Variants in ANO6 observed in about 807,000 individuals in gnomAD.
ANO6 encodes anoctamin-6.
In ANO6, 106 loss-of-function variants were observed where a neutral mutation model predicts 117.5. The observed-to-expected ratio is 0.90, with a 90% CI of 0.77 to 1.06. The LOEUF is 1.06. ANO6 is among the 50% of genes least tolerant of loss of function. The pLI is 0.00. For missense variants in ANO6, 955 were observed against 1,121.1 expected (o/e 0.85, Z 2.12); for synonymous variants, 367 against 385.1 (o/e 0.95, Z 0.55).
intron 8 of ANO6, 121 bp downstream of exon 8, chr12:45,357,545 G>GAT: frequency 7.9e-7 from 1 of 1,273,132 alleles, no homozygotes; most frequent in Admixed American, 1.9e-5. Context: ...TGCTTGGGAT[G>GAT]ATATATCCCT....
intron 3 of ANO6, among the ~76,000 whole-genome samples, chr12:45,331,862 C>T (rs963554131): frequency 2.0e-5 from 3 of 152,090 alleles, no homozygotes; most frequent in Non-Finnish European, 4.4e-5. Context: ...GTTCTATAAT[C>T]ACACCATTTT....
At position 45,378,137 on chromosome 12, in the gene ANO6, T is replaced by A. The variant is rs760344494; in HGVS notation, c.1165+24T>A. ...GGGTAAGTTTTTTTTTTTTTTTTCA[T>A]GCACTCAATTTGATAGTATTACACA... On this transcript the variant is annotated intron_variant, in intron 10 of 19. Transcript: ENST00000320560. 6 of 1,470,222 alleles carry A rather than the reference T, an allele frequency of 4.1e-6. No homozygotes were observed. The East Asian group carries it at 9.1e-5, about 22-fold the overall frequency. The allele number at this position is 1,470,222 out of a possible 1,614,324, so 91.1% of individuals were successfully genotyped here.
chr12:45,426,139 C>T (rs1001058431), intron 19 of ANO6, among the ~76,000 whole-genome samples: 11 of 152,086 alleles, frequency 7.2e-5, no homozygotes, highest in Admixed American at 1.3e-4. Flanking sequence ...TATACCTTTA[C>T]GCAAAATTTT....
At position 45,302,025 on chromosome 12, in the gene ANO6, C is replaced by G; in HGVS notation, c.82C>G (p.Leu28Val). The change falls in exon 2 of 20, where the codon CTT (leucine) becomes GTT (valine). Residue 28 changes from leucine (L) to valine (V), a missense_variant. By Grantham distance (32) the Leu-to-Val change is conservative (BLOSUM62 1). Coordinates refer to ENST00000320560, the MANE Select transcript of ANO6 (RefSeq NM_001025356.3). ...TCATTCGTTTTTAGTGTTGGAAAACCTTGGACAGACAATTGTCCCCGATTT... is the reference window on the plus strand; with the variant it reads ...TCATTCGTTTTTAGTGTTGGAAAACGTTGGACAGACAATTGTCCCCGATTT... Reference protein sequence around the residue: ...DDDGDIVLENLGQTIVPDLGS... With the variant: ...DDDGDIVLENVGQTIVPDLGS... The G allele has an allele frequency of 6.2e-7, 1 of 1,613,902 alleles. No individual in the cohort carries two copies. Among genetic ancestry groups the G allele is most frequent in the Non-Finnish European group, 8.5e-7 (1 of 1,179,876 alleles).
chr12:45,398,658 CTCAACCT>C (rs1327713663), intron 12 of ANO6, among the ~76,000 whole-genome samples: 4 of 152,108 alleles, frequency 2.6e-5, no homozygotes, highest in Non-Finnish European at 4.4e-5. Flanking sequence ...TATTCTACTT[CTCAACCT>C]TCAAACAGTG....
chr12:45,388,204 T>G lies in ANO6; in HGVS notation c.1209T>G (p.Leu403=). ...LEFWKRRQAE[L]EYEWDTVELQ... ...TTTGGAAGCGACGCCAGGCAGAACT[T>G]GAGTATGAATGGGATACTGTTGAGT... The change falls in exon 11 of 20, where the codon CTT becomes CTG. Residue 403 remains leucine, a synonymous_variant. Transcript: ENST00000320560. 1 of 1,614,026 alleles carries G rather than the reference T, an allele frequency of 6.2e-7. No individual in the cohort carries two copies. The highest frequency in any genetic ancestry group is 8.5e-7 in the Non-Finnish European group (1 of 1,179,938).
chr12:45,391,207 G>T (rs1285552287), intron 12 of ANO6, among the ~76,000 whole-genome samples: 1 of 152,142 alleles, frequency 6.6e-6, no homozygotes, highest in Non-Finnish European at 1.5e-5. Flanking sequence ...CTTGAAAGTT[G>T]TAAAGGATCT....
chr12:45,233,444 T>C (rs1468324359), intron 1 of ANO6, among the ~76,000 whole-genome samples: 1 of 152,238 alleles, frequency 6.6e-6, no homozygotes, highest in Non-Finnish European at 1.5e-5. Context: ...GGATCTTTCA[T>C]ATGTGATTGA....
intron 1 of ANO6, among the ~76,000 whole-genome samples, chr12:45,258,491 G>A (rs942062709): frequency 4.1e-4 from 62 of 152,070 alleles, no homozygotes; most frequent in African/African-American, 1.4e-3. Flanking sequence ...ATATGTCCAC[G>A]TTCCCTACCT....
intron 11 of ANO6, among the ~76,000 whole-genome samples, chr12:45,389,224 C>A (rs748375664): frequency 2.2e-4 from 34 of 152,270 alleles, no homozygotes; most frequent in African/African-American, 7.7e-4. Flanking sequence ...TGGGAAAAAA[C>A]GAGGTTCAAT....
At chr12:45,408,282 AGTT>A (rs975907532) in intron 15 of ANO6, among the ~76,000 whole-genome samples, 4 of 152,110 alleles carry the variant, frequency 2.6e-5, no homozygotes, top group Non-Finnish European at 4.4e-5. Context: ...CTGTATTTGG[AGTT>A]GTTGTTATGC....
intron 10 of ANO6, among the ~76,000 whole-genome samples, chr12:45,378,962 T>G (rs891354381): frequency 1.2e-4 from 19 of 152,248 alleles, no homozygotes; most frequent in African/African-American, 4.3e-4. Context: ...ATATATTATT[T>G]ACTTTGGGAT....
rs141189622 is a variant in ANO6 at position 45,388,251 on chromosome 12, G to A, written c.1256G>A (p.Arg419Gln). 53 of 1,614,070 alleles carry A rather than the reference G, an allele frequency of 3.3e-5. No individual in the cohort carries two copies. Among genetic ancestry groups the A allele is most frequent in the African/African-American group, 1.9e-4 (14 of 75,026 alleles). ...TVELQQEEQA[R>Q]PEYEARCTHV... Reference sequence around the variant, plus strand: ...GAGTTACAGCAGGAAGAACAAGCCCGACCAGAATACGAAGCACGATGTACT... The same window carrying A: ...GAGTTACAGCAGGAAGAACAAGCCCAACCAGAATACGAAGCACGATGTACT... Residue 419 changes from arginine to glutamine, a missense_variant, in exon 11 of 20, where the codon CGA (arginine) becomes CAA (glutamine). Arg to Gln is a conservative substitution (Grantham distance 43). Transcript: ENST00000320560.
intron 2 of ANO6, among the ~76,000 whole-genome samples, chr12:45,322,871 T>C (rs1238836288): frequency 6.6e-6 from 1 of 152,208 alleles, no homozygotes; most frequent in Admixed American, 6.5e-5. Flanking sequence ...GTCCCACATA[T>C]GACTTTATCC....
At chr12:45,324,693 A>G (rs904375033) in intron 2 of ANO6, among the ~76,000 whole-genome samples, 10 of 152,258 alleles carry the variant, frequency 6.6e-5, no homozygotes, top group African/African-American at 2.2e-4. Flanking sequence ...ACTTTCAAAC[A>G]TGTGTCACTA....
At chr12:45,372,881 T>C (rs1466633753) in intron 9 of ANO6, among the ~76,000 whole-genome samples, 1 of 152,182 alleles carries the variant, frequency 6.6e-6, no homozygotes, top group Non-Finnish European at 1.5e-5. Context: ...TAAATGTCAA[T>C]GGACTAAATG....
intron 16 of ANO6, among the ~76,000 whole-genome samples, chr12:45,416,252 T>C (rs1363732422): frequency 6.6e-6 from 1 of 152,226 alleles, no homozygotes; most frequent in African/African-American, 2.4e-5. Context: ...TAACGTTCTC[T>C]AAGTATAGCC....
chr12:45,244,468 C>CGGGG (rs1947795315), intron 1 of ANO6, among the ~76,000 whole-genome samples: 1 of 151,566 alleles, frequency 6.6e-6, no homozygotes, highest in African/African-American at 2.4e-5. Context: ...GTTGAATCCC[C>CGGGG]TCAACTGTAT....
At chr12:45,384,590 G>T (rs1201704462) in intron 10 of ANO6, among the ~76,000 whole-genome samples, 2 of 152,190 alleles carry the variant, frequency 1.3e-5, no homozygotes, top group African/African-American at 2.4e-5. Flanking sequence ...CAGAAGAGAG[G>T]CAGAGAGATG....
Sources: gnomAD v4.1 joint callset for allele counts (sites outside exome capture counted in the v4.1 genomes callset) on GRCh38, gnomAD v4.1.1 for gene constraint, MANE v1.5 for transcripts, NCBI Gene and HGNC (gene_info 2026-07-23, HGNC 2026-07-21) for gene names.